UGT1A10: variants seen among roughly 807,000 people sequenced by gnomAD.
The protein encoded by UGT1A10 is UDP glucuronosyltransferase family 1 member A10.
UGT1A10 carries 49 observed loss-of-function variants against 45.8 expected under a neutral mutation model. The ratio of observed to expected loss-of-function variants is 1.07; its 90% CI spans 0.85 to 1.36. UGT1A10 has a LOEUF of 1.36. UGT1A10 is among the 40% of genes most tolerant of loss of function. The probability of loss-of-function intolerance (pLI) is 0.00; values close to 1 mark genes in which losing one functional copy is unlikely to be tolerated. For missense variants in UGT1A10, 745 were observed against 668.6 expected (o/e 1.11, Z -1.26); for synonymous variants, 284 against 249.7 (o/e 1.14, Z -1.29).
At chr2:233,691,734 G>A in intron 1 of UGT1A10, 2 of 735,248 alleles carry the variant, frequency 2.7e-6, no homozygotes, top group Non-Finnish European at 3.3e-6. Flanking sequence ...TGGGCCAGAA[G>A]CAGATACCAG....
At chr2:233,760,872 G>A in intron 1 of UGT1A10, 1 of 1,614,112 alleles carries the variant, frequency 6.2e-7, no homozygotes, top group Non-Finnish European at 8.5e-7. Flanking sequence ...ACGTGCCCAG[G>A]CCTCTCTCCT....
At chr2:233,669,028 A>G (rs974773528) in intron 1 of UGT1A10, among the ~76,000 whole-genome samples, 17 of 152,220 alleles carry the variant, frequency 1.1e-4, no homozygotes, top group Non-Finnish European at 2.4e-4. Flanking sequence ...ATAGGTTTTT[A>G]GGAGGAAGAC....
intron 1 of UGT1A10, among the ~76,000 whole-genome samples, chr2:233,705,561 T>C (rs974874080): frequency 6.6e-6 from 1 of 152,156 alleles, no homozygotes; most frequent in African/African-American, 2.4e-5. Flanking sequence ...ATATTGCTTG[T>C]GGCAAGGGAT....
rs1282316555 is a variant in UGT1A10, at chr2:233,643,141, G to A, written c.855+5764G>A. On this transcript the variant is annotated intron_variant, in intron 1 of 4. Coordinates refer to ENST00000344644, the MANE Select transcript of UGT1A10 (RefSeq NM_019075.4). ...GACCTGCATCCCTCCCTTCAGAATG[G>A]CAAGGTCCCCCAGGCCCTGGGTGGG... 3.9e-5 allele frequency among the ~76,000 whole-genome samples: 6 copies of A among 152,340 alleles called. No individual in the cohort carries two copies. The East Asian group carries it at 1.2e-3, about 29-fold the overall frequency.
intron 1 of UGT1A10, chr2:233,681,932 T>A: frequency 6.2e-7 from 1 of 1,611,200 alleles, no homozygotes; most frequent in South Asian, 1.1e-5. Flanking sequence ...GGGCTGAAGT[T>A]CTCTGATGGC....
At chr2:233,732,952 T>C (rs1235178587) in intron 1 of UGT1A10, among the ~76,000 whole-genome samples, 1 of 152,176 alleles carries the variant, frequency 6.6e-6, no homozygotes, top group East Asian at 1.9e-4. Flanking sequence ...GCATGGAATG[T>C]TCTTCCATTT....
intron 1 of UGT1A10, chr2:233,719,497 C>T (rs774203287): frequency 1.2e-6 from 2 of 1,613,882 alleles, no homozygotes; most frequent in African/African-American, 2.7e-5. Flanking sequence ...ATTTGCCATA[C>T]TTTTTCTGCC....
chr2:233,682,693 G>T, intron 1 of UGT1A10: 2 of 1,613,776 alleles, frequency 1.2e-6, no homozygotes, highest in Non-Finnish European at 1.7e-6. Flanking sequence ...CAATTTGGTT[G>T]TTGCGAACTG....
intron 1 of UGT1A10, among the ~76,000 whole-genome samples, chr2:233,720,989 G>T (rs570345451): frequency 2.6e-5 from 4 of 151,812 alleles, no homozygotes; most frequent in East Asian, 3.9e-4. Flanking sequence ...GGGATTACAG[G>T]CAAGAGCCAC....
chr2:233,670,108 T>C (rs907860979), intron 1 of UGT1A10, among the ~76,000 whole-genome samples: 1 of 152,224 alleles, frequency 6.6e-6, no homozygotes, highest in Non-Finnish European at 1.5e-5. Context: ...TTATATACTG[T>C]ATTATCATAA....
chr2:233,736,619 C>G (rs1245621807), intron 1 of UGT1A10, among the ~76,000 whole-genome samples: 1 of 152,186 alleles, frequency 6.6e-6, no homozygotes, highest in Non-Finnish European at 1.5e-5. Flanking sequence ...GAATTTTCAG[C>G]TTTTCTGCTC....
In UGT1A10 at chr2:233,636,835, A is replaced by G. The variant is rs45484192; in HGVS notation, c.313A>G (p.Ile105Val). 9 of 1,614,076 alleles carry G rather than the reference A, an allele frequency of 5.6e-6. No homozygotes were observed. In the Admixed American group the frequency reaches 1.2e-4, roughly 21 times the overall value. ...HAQWKAQAQS[I>V]FSLLMSSSSG... The stretch of plus-strand genomic sequence containing the variant: ...TCAATGGAAAGCACAGGCACAAAGT[A>G]TATTTTCTCTATTAATGAGTTCATC... The change falls in exon 1 of 5, where the codon ATA (isoleucine) becomes GTA (valine). Residue 105 changes from isoleucine to valine, a missense_variant. Ile to Val is a conservative substitution (Grantham distance 29, BLOSUM62 3). Coordinates refer to ENST00000344644, the MANE Select transcript of UGT1A10 (RefSeq NM_019075.4).
chr2:233,640,365 T>A (rs17862847), intron 1 of UGT1A10, among the ~76,000 whole-genome samples: 19,333 of 152,144 alleles, frequency 0.13, 1,307 homozygotes, highest in Non-Finnish European at 0.16. Context: ...AATTCTTGGC[T>A]TGTCATTCCA....
At chr2:233,746,235 C>T (rs565676121) in intron 1 of UGT1A10, among the ~76,000 whole-genome samples, 3 of 151,598 alleles carry the variant, frequency 2.0e-5, no homozygotes, top group Non-Finnish European at 4.4e-5. Flanking sequence ...ATGCAAACTG[C>T]TAAAAGATAC....
intron 1 of UGT1A10, among the ~76,000 whole-genome samples, chr2:233,702,216 G>A (rs1362223857): frequency 2.0e-5 from 3 of 151,996 alleles, no homozygotes; most frequent in Non-Finnish European, 4.4e-5. Flanking sequence ...TCAACTTTCT[G>A]TCCTTATGAA....
intron 1 of UGT1A10, among the ~76,000 whole-genome samples, chr2:233,641,875 G>GA (rs1256101184): frequency 1.3e-5 from 2 of 152,176 alleles, no homozygotes; most frequent in African/African-American, 4.8e-5. Context: ...GCTGCTGCCA[G>GA]ATGTATTGGA....
chr2:233,659,515 G>T (rs1333298993), intron 1 of UGT1A10, among the ~76,000 whole-genome samples: 1 of 152,220 alleles, frequency 6.6e-6, no homozygotes, highest in East Asian at 1.9e-4. Context: ...AAGTGGGAGT[G>T]GATCATCATA....
chr2:233,728,660 C>T (rs557708388), intron 1 of UGT1A10, among the ~76,000 whole-genome samples: 3 of 152,280 alleles, frequency 2.0e-5, no homozygotes, highest in South Asian at 2.1e-4. Context: ...GGATGCGCTG[C>T]GTTACTCATA....
intron 1 of UGT1A10, chr2:233,693,205 G>C (rs764136609): frequency 1.9e-6 from 3 of 1,614,010 alleles, no homozygotes; most frequent in African/African-American, 1.3e-5. Flanking sequence ...ATTTGCTTTT[G>C]AAAGAATCCA....
Sources: allele counts gnomAD v4.1 joint callset (sites outside exome capture counted in the v4.1 genomes callset), GRCh38; gene constraint gnomAD v4.1.1; transcripts MANE v1.5; gene names NCBI Gene and HGNC (gene_info 2026-07-23, HGNC 2026-07-21).